HMCES: variants seen among roughly 807,000 people sequenced by gnomAD.
HMCES encodes abasic site processing protein HMCES.
HMCES carries 27 observed loss-of-function variants against 35.1 expected under a neutral mutation model. The observed-to-expected ratio is 0.77, with a 90% CI of 0.57 to 1.06. HMCES has a LOEUF of 1.06. Among genes scored for constraint, HMCES ranks in the 50% least tolerant of loss-of-function variants. The pLI, the probability that HMCES is intolerant of heterozygous loss-of-function variation, is 0.00. For missense variants in HMCES, 391 were observed against 430.4 expected (o/e 0.91, Z 0.81); for synonymous variants, 130 against 154.7 (o/e 0.84, Z 1.18).
Position 129,298,518 on chromosome 3 carries a change from G to A in HMCES, c.618G>A (p.Leu206=). 1 of 1,613,916 alleles carries A rather than the reference G, an allele frequency of 6.2e-7. No individual in the cohort carries two copies. The highest frequency in any genetic ancestry group is 8.5e-7 in the Non-Finnish European group (1 of 1,179,804). ...TCACAGTGGATTCCTGCAAAGGCTT[G>A]AGTGACATCCACCACAGGCAAGTCA... ...TIITVDSCKG[L]SDIHHRMPAI... is the part of the protein sequence containing the mutation. The change falls in exon 5 of 7, where the codon TTG becomes TTA. Residue 206 remains leucine, a synonymous_variant. Transcript: ENST00000383463.
chr3:129,301,113 A>G (rs1576994210), intron 5 of HMCES, among the ~76,000 whole-genome samples: 1 of 146,600 alleles, frequency 6.8e-6, no homozygotes, highest in South Asian at 2.2e-4. Context: ...AATGGCATGA[A>G]CCCGGGGGGT....
chr3:129,298,542 C>A lies in HMCES; in HGVS notation c.635+7C>A. Reference sequence around the variant, plus strand: ...TGAGTGACATCCACCACAGGCAAGTCATACTTCTTAGCCCTGGATCCAAAA... The same window carrying A: ...TGAGTGACATCCACCACAGGCAAGTAATACTTCTTAGCCCTGGATCCAAAA... On this transcript the variant is annotated splice_region_variant and intron_variant, in intron 5 of 6. Transcript: ENST00000383463. 2 of 1,612,066 alleles carry A rather than the reference C, an allele frequency of 1.2e-6. No individual in the cohort carries two copies. Among genetic ancestry groups the A allele is most frequent in the Non-Finnish European group, 1.7e-6 (2 of 1,178,320 alleles).
chr3:129,304,948 T>A lies in HMCES; in HGVS notation c.*123T>A. On this transcript the variant is annotated 3_prime_UTR_variant, in exon 7 of 7. Coordinates refer to ENST00000383463, the MANE Select transcript of HMCES (RefSeq NM_020187.3). ...GTGGCACTGTGTTAGTTGACAGTTG[T>A]GGGCTCATGTAGTCTTTTTTGCCAT... The A allele has an allele frequency of 1.3e-6, 1 of 764,996 alleles. No individual in the cohort carries two copies. The highest frequency in any genetic ancestry group is 2.1e-6 in the Non-Finnish European group (1 of 471,262). 47.4% of individuals were successfully genotyped at this position (764,996 alleles called of 1,614,324 possible). A position where few individuals can be genotyped will look rare whatever the true frequency, so the allele number is the denominator to read the frequency against.
chr3:129,282,373 T>C (rs1417745568), intron 2 of HMCES, among the ~76,000 whole-genome samples: 4 of 151,706 alleles, frequency 2.6e-5, no homozygotes, highest in Non-Finnish European at 4.4e-5. Flanking sequence ...GAAAAATTTG[T>C]CTAACAGATG....
chr3:129,282,381 A>T (rs998638966), intron 2 of HMCES, among the ~76,000 whole-genome samples: 2 of 152,084 alleles, frequency 1.3e-5, no homozygotes, highest in East Asian at 1.9e-4. Context: ...TGTCTAACAG[A>T]TGTAAAGATA....
intron 2 of HMCES, among the ~76,000 whole-genome samples, chr3:129,281,559 C>T (rs889934557): frequency 1.3e-5 from 2 of 151,908 alleles, no homozygotes; most frequent in East Asian, 1.9e-4. Flanking sequence ...GGTGTGATGG[C>T]GGGCGCCTGT....
chr3:129,282,452 A>G (rs142468925), intron 2 of HMCES, among the ~76,000 whole-genome samples: 6 of 152,324 alleles, frequency 3.9e-5, no homozygotes, highest in African/African-American at 1.4e-4. Flanking sequence ...CAGAACTAGA[A>G]CTGAGATCCA....
chr3:129,282,087 C>A (rs774584255), intron 2 of HMCES, among the ~76,000 whole-genome samples: 4 of 151,628 alleles, frequency 2.6e-5, no homozygotes, highest in Non-Finnish European at 5.9e-5. Context: ...TCTGGAGAAC[C>A]TTGAAGGGGA....
rs2071057841 is a variant in HMCES, at chr3:129,293,996, A to C, written c.453+3192A>C. Among the ~76,000 whole-genome samples, 6 of 152,072 alleles carry C rather than the reference A, an allele frequency of 3.9e-5. No individual in the cohort carries two copies. The South Asian group carries it at 1.2e-3, about 32-fold the overall frequency. ...TATTGATGTGATTGGGTTAAAATCCATTGTTTTGCTAGTTTTCTATTTGTT... is the reference window on the plus strand; with the variant it reads ...TATTGATGTGATTGGGTTAAAATCCCTTGTTTTGCTAGTTTTCTATTTGTT... On this transcript the variant is annotated intron_variant, in intron 4 of 6. Coordinates refer to ENST00000383463, the MANE Select transcript of HMCES (RefSeq NM_020187.3).
intron 6 of HMCES, among the ~76,000 whole-genome samples, chr3:129,303,504 A>T (rs2071196628): frequency 6.6e-6 from 1 of 152,192 alleles, no homozygotes; most frequent in South Asian, 2.1e-4. Context: ...AATGCTTGGG[A>T]ACAGAAGTGT....
At chr3:129,298,317 T>C in intron 4 of HMCES, 37 bp from the exon 5 acceptor site, 1 of 1,594,734 alleles carries the variant, frequency 6.3e-7, no homozygotes, top group Non-Finnish European at 8.6e-7. Flanking sequence ...AGAAGTCTGC[T>C]GAGTGCATCT....
chr3:129,304,739 AAGAG>A lies in HMCES; in HGVS notation c.982_985del (p.Arg328AlafsTer6). 1 of 1,614,092 alleles carries A rather than the reference AAGAG, an allele frequency of 6.2e-7. No homozygotes were observed. The highest frequency in any genetic ancestry group is 1.3e-5 in the African/African-American group (1 of 75,018). On this transcript the variant is annotated frameshift_variant, in exon 7 of 7. Coordinates refer to ENST00000383463, the MANE Select transcript of HMCES (RefSeq NM_020187.3). LOFTEE classifies it high-confidence loss of function. ...CCTGCAGAAGAGTCCACTCCCCACC[AAGAG>A]AGGCACTGCAGGACTCCTAGAGCAA...
rs2071119375 is a variant in HMCES, at chr3:129,298,415, G to A, written c.515G>A (p.Arg172Lys). The A allele has an allele frequency of 1.9e-6, 3 of 1,614,084 alleles. No individual in the cohort carries two copies. Among genetic ancestry groups the A allele is most frequent in the Admixed American group, 3.3e-5 (2 of 60,006 alleles). ...ENWEKVWDNWRLLTMAGIFDC... is the reference protein window; with the variant it reads ...ENWEKVWDNWKLLTMAGIFDC... ...TGGGAGAAAGTCTGGGACAACTGGAGGCTGCTGACAATGGCCGGGATCTTT... is the reference window on the plus strand; with the variant it reads ...TGGGAGAAAGTCTGGGACAACTGGAAGCTGCTGACAATGGCCGGGATCTTT... The change falls in exon 5 of 7, where the codon AGG (arginine) becomes AAG (lysine). Residue 172 changes from arginine to lysine, a missense_variant. By Grantham distance (26) the Arg-to-Lys change is conservative (BLOSUM62 2). Transcript: ENST00000383463.
intron 2 of HMCES, among the ~76,000 whole-genome samples, chr3:129,281,502 C>A (rs1940482297): frequency 6.6e-6 from 1 of 151,668 alleles, no homozygotes; most frequent in Admixed American, 6.6e-5. Flanking sequence ...ACCAGCCTGG[C>A]CAACATGGTG....
chr3:129,290,955 C>A, intron 4 of HMCES, 151 bp downstream of exon 4: 1 of 688,836 alleles, frequency 1.5e-6, no homozygotes, highest in South Asian at 1.9e-5. Flanking sequence ...GTGATCCCAG[C>A]ACTTTGGGAG....
intron 4 of HMCES, among the ~76,000 whole-genome samples, chr3:129,294,392 C>T (rs1361057378): frequency 1.3e-5 from 2 of 152,076 alleles, no homozygotes; most frequent in African/African-American, 2.4e-5. Context: ...CACTGTGCTC[C>T]AGCCTGGGCA....
At chr3:129,304,240 TTCTGTATCTCTCCAG>T (rs1560079473) in intron 6 of HMCES, among the ~76,000 whole-genome samples, 1 of 152,224 alleles carries the variant, frequency 6.6e-6, no homozygotes, top group Non-Finnish European at 1.5e-5. Flanking sequence ...TTAGAAATTC[TTCTGTATCTCTCCAG>T]TCTCGTTTTC....
At chr3:129,301,836 G>A (rs2071172568) in intron 5 of HMCES, 114 bp from the exon 6 acceptor site, 1 of 837,798 alleles carries the variant, frequency 1.2e-6, no homozygotes, top group South Asian at 1.7e-5. Context: ...AGGCGCAGAG[G>A]GAGGGCAAGC....
chr3:129,286,426 A>C (rs2107687776), intron 2 of HMCES, among the ~76,000 whole-genome samples: 1 of 152,330 alleles, frequency 6.6e-6, no homozygotes, highest in Non-Finnish European at 1.5e-5. Flanking sequence ...GATAAATCAT[A>C]TAGTATCACT....
Sources: allele counts gnomAD v4.1 joint callset (sites outside exome capture counted in the v4.1 genomes callset), GRCh38; gene constraint gnomAD v4.1.1; transcripts MANE v1.5; gene names NCBI Gene and HGNC (gene_info 2026-07-23, HGNC 2026-07-21).